LIMS2: variants seen among roughly 807,000 people sequenced by gnomAD.
The protein encoded by LIMS2 is LIM and senescent cell antigen-like-containing domain protein 2.
A neutral mutation model predicts 45.3 loss-of-function variants in LIMS2; 30 were observed. The observed-to-expected ratio is 0.66, with a 90% CI of 0.50 to 0.90. The LOEUF (loss-of-function observed/expected upper bound fraction) is 0.90. Ranked by LOEUF, LIMS2 falls within the 40% of genes least tolerant of loss-of-function variation. The probability of loss-of-function intolerance (pLI) is 0.00; values close to 1 mark genes in which losing one functional copy is unlikely to be tolerated. For missense variants in LIMS2, 485 were observed against 468.7 expected (o/e 1.03, Z -0.32); for synonymous variants, 173 against 188.0 (o/e 0.92, Z 0.65).
At chr2:127,663,770 C>G (rs1451447979) in intron 1 of LIMS2, among the ~76,000 whole-genome samples, 1 of 152,156 alleles carries the variant, frequency 6.6e-6, no homozygotes, top group African/African-American at 2.4e-5. Flanking sequence ...GCAACATTTT[C>G]AGGAGCTCCT....
At chr2:127,679,658 C>G (rs969234648), upstream of LIMS2, among the ~76,000 whole-genome samples, 1 of 152,124 alleles carries the variant, frequency 6.6e-6, no homozygotes, top group Non-Finnish European at 1.5e-5. This position sits in a 1 kb window ranked among gnomAD's most constrained non-coding sequence, Gnocchi z 5.3. Flanking sequence ...CTGAGACAGC[C>G]CAGGGCCCAA....
At chr2:127,643,591 C>T in intron 4 of LIMS2, 1 of 456,606 alleles carries the variant, frequency 2.2e-6, no homozygotes, top group South Asian at 1.5e-5. Flanking sequence ...GATGGAGGCC[C>T]CCAAACCCAG....
At chr2:127,650,003 C>G in intron 4 of LIMS2, 1 of 1,605,994 alleles carries the variant, frequency 6.2e-7, no homozygotes, top group Non-Finnish European at 8.5e-7. Context: ...GGTCTCCCCA[C>G]CTGTCAGGAT....
chr2:127,664,459 G>T lies in LIMS2; in HGVS notation c.12-6897C>A. Reference sequence around the variant, plus strand: ...GCAGGGGCTATGGGACCACCTCGGAGGGGAGGCGCGGCCGCCTGGGGCCAG... The same window carrying T: ...GCAGGGGCTATGGGACCACCTCGGATGGGAGGCGCGGCCGCCTGGGGCCAG... On this transcript the variant is annotated intron_variant, in intron 1 of 9. Transcript: ENST00000355119. This position sits in a 1 kb window ranked among gnomAD's most constrained non-coding sequence, Gnocchi z 5.5. The T allele has an allele frequency of 8.4e-7, 1 of 1,184,798 alleles. No individual in the cohort carries two copies. Among genetic ancestry groups the T allele is most frequent in the African/African-American group, 1.6e-5 (1 of 62,604 alleles). The allele number at this position is 1,184,798 out of a possible 1,614,324, so 73.4% of individuals were successfully genotyped here.
chr2:127,651,632 C>T (rs764454392), intron 4 of LIMS2: 44 of 1,613,468 alleles, frequency 2.7e-5, no homozygotes, highest in East Asian at 4.5e-5. Context: ...TGTATTTCTT[C>T]GTGGCTGAGA....
Position 127,671,673 on chromosome 2 carries a change from G to T in LIMS2, c.11+3341C>A, listed in dbSNP as rs1421315957. 1.3e-5 allele frequency among the ~76,000 whole-genome samples: 2 copies of T among 152,220 alleles called. No individual in the cohort carries two copies. The highest frequency in any genetic ancestry group is 2.4e-5 in the African/African-American group (1 of 41,452). ...ACACCACGGGACTGGACACCCTGCA[G>T]ATCAGTCCCTCCATCCCTATTATGC... On this transcript the variant is annotated intron_variant, in intron 1 of 9. Coordinates refer to ENST00000355119, the MANE Select transcript of LIMS2 (RefSeq NM_001161403.3). The surrounding 1 kb of genome is among the most constrained non-coding windows in gnomAD (Gnocchi z 4.1).
At chr2:127,649,678 A>G (rs1170330536) in intron 4 of LIMS2, among the ~76,000 whole-genome samples, 5 of 152,194 alleles carry the variant, frequency 3.3e-5, no homozygotes, top group Non-Finnish European at 7.4e-5. Context: ...TAAAATCAAA[A>G]CAAGAGTGGG....
chr2:127,662,076 C>T (rs1319024958), intron 1 of LIMS2, among the ~76,000 whole-genome samples: 7 of 152,172 alleles, frequency 4.6e-5, no homozygotes, highest in Admixed American at 3.3e-4. Context: ...GAGGCCACGT[C>T]GGCCTGAGCA....
chr2:127,650,664 G>A (rs890194181), intron 4 of LIMS2: 29 of 1,290,266 alleles, frequency 2.2e-5, no homozygotes, highest in Non-Finnish European at 3.0e-5. Flanking sequence ...CAGAGAGCGT[G>A]AAGCTGCCTA....
rs1311913614 is a variant in LIMS2 at position 127,640,120 on chromosome 2, C to G, written c.828G>C (p.Trp276Cys). 3 of 1,613,396 alleles carry G rather than the reference C, an allele frequency of 1.9e-6. No individual in the cohort carries two copies. In the South Asian group the frequency reaches 3.3e-5, roughly 18 times the overall value. ...TGGAGCAGGAGAAGCAGCTCACACA[C>G]CAGGCCTTGTTGAGGGCCGACACCA... ...GDVVSALNKA[W>C]CVSCFSCSTC... is the part of the protein sequence containing the mutation. The change falls in exon 9 of 10, where the codon TGG (tryptophan) becomes TGC (cysteine). Residue 276 changes from tryptophan (W) to cysteine (C), a missense_variant. Transcript: ENST00000355119.
intron 1 of LIMS2, among the ~76,000 whole-genome samples, chr2:127,658,306 G>A (rs551832001): frequency 2.6e-5 from 4 of 152,358 alleles, no homozygotes; most frequent in Admixed American, 2.6e-4. Context: ...GGCTGAAGTG[G>A]GAGGATGGCT....
chr2:127,641,458 T>C (rs1344218909), intron 6 of LIMS2: 1 of 178,228 alleles, frequency 5.6e-6, no homozygotes, highest in Admixed American at 5.4e-5. Context: ...CCCAGGGATC[T>C]GCATGTGAGG....
rs926076517 is a variant in LIMS2 at position 127,672,025 on chromosome 2, G to A, written c.11+2989C>T. Among the ~76,000 whole-genome samples the A allele has an allele frequency of 2.2e-4, 33 of 152,218 alleles. No homozygotes were observed. Among genetic ancestry groups the A allele is most frequent in the African/African-American group, 7.2e-4 (30 of 41,456 alleles). On this transcript the variant is annotated intron_variant, in intron 1 of 9. Coordinates refer to ENST00000355119, the MANE Select transcript of LIMS2 (RefSeq NM_001161403.3). The surrounding 1 kb of genome is among the most constrained non-coding windows in gnomAD (Gnocchi z 4.9). Reference sequence around the variant, plus strand: ...GCAGGGATCTAGCAGCCTGCTCTGCGCTGTACTAAGCATGGGCTCAGCACA... The same window carrying A: ...GCAGGGATCTAGCAGCCTGCTCTGCACTGTACTAAGCATGGGCTCAGCACA...
At chr2:127,657,056 G>C (rs1684306261) in intron 2 of LIMS2, among the ~76,000 whole-genome samples, 1 of 152,222 alleles carries the variant, frequency 6.6e-6, no homozygotes, top group South Asian at 2.1e-4. Context: ...CTGACCCCCA[G>C]GGCATCAGCA....
intron 2 of LIMS2, chr2:127,655,174 G>A: frequency 1.8e-6 from 1 of 554,822 alleles, no homozygotes. Context: ...TCTGGACCCT[G>A]TTGGTCCGGA....
chr2:127,660,493 G>A (rs1244833794), intron 1 of LIMS2, among the ~76,000 whole-genome samples: 1 of 152,070 alleles, frequency 6.6e-6, no homozygotes, highest in Non-Finnish European at 1.5e-5. Flanking sequence ...GAATCGTTTC[G>A]AGGAACAGAT....
chr2:127,680,237 CT>C (rs1315815478), upstream of LIMS2, among the ~76,000 whole-genome samples: 2 of 152,246 alleles, frequency 1.3e-5, no homozygotes, highest in African/African-American at 4.8e-5. Context: ...GACACCGCCC[CT>C]GGCACCCACA....
intron 1 of LIMS2, among the ~76,000 whole-genome samples, chr2:127,660,432 A>G (rs1400241264): frequency 6.6e-6 from 1 of 152,198 alleles, no homozygotes; most frequent in Non-Finnish European, 1.5e-5. Context: ...TTCACAGCGA[A>G]GGTCTGCAGT....
rs187050528 is a variant in LIMS2 at position 127,660,683 on chromosome 2, G to A, written c.12-3121C>T. Among the ~76,000 whole-genome samples the A allele has an allele frequency of 3.3e-3, 499 of 152,006 alleles. 3 individuals carry two copies. Among genetic ancestry groups the A allele is most frequent in the Admixed American group, 5.6e-3 (86 of 15,282 alleles). On this transcript the variant is annotated intron_variant, in intron 1 of 9. Coordinates refer to ENST00000355119, the MANE Select transcript of LIMS2 (RefSeq NM_001161403.3). ...AAGAACTGTAACACTCACCGTGAGG[G>A]TCCATGGCTTTATTGTTGAAGTCAG...
Sources: gnomAD v4.1 joint callset for allele counts (sites outside exome capture counted in the v4.1 genomes callset) on GRCh38, gnomAD v4.1.1 for gene constraint, Gnocchi (gnomAD v3.1) non-coding constraint, MANE v1.5 for transcripts, NCBI Gene and HGNC (gene_info 2026-07-23, HGNC 2026-07-21) for gene names.